The following NOS1 variants were observed in gnomAD, a reference collection of about 807,000 sequenced individuals.
NOS1 encodes NOS type I.
A neutral mutation model predicts 164.5 loss-of-function variants in NOS1; 51 were observed. The observed-to-expected ratio is 0.31, with a 90% confidence interval of 0.25 to 0.39. The LOEUF (loss-of-function observed/expected upper bound fraction) is 0.39, where lower values mean the gene tolerates loss of function less well. Ranked by LOEUF, NOS1 falls within the 10% of genes least tolerant of loss-of-function variation. The pLI is 1.00. For synonymous variants in NOS1, 719 were observed against 745.8 expected, an observed-to-expected ratio of 0.96 and a Z score of 0.59; for missense variants, 1,362 against 1,885.6, an observed-to-expected ratio of 0.72 and a Z score of 5.14.
intron 1 of NOS1, among the ~76,000 whole-genome samples, chr12:117,338,534 G>A (rs887461693): frequency 2.0e-5 from 3 of 151,336 alleles, no homozygotes; most frequent in Non-Finnish European, 4.4e-5. Context: ...TAATGGGTGC[G>A]GCACACCAGC....
rs756156947 is a variant in NOS1, at chr12:117,280,916, T to C, written c.1383-50A>G. On this transcript the variant is annotated intron_variant, in intron 7 of 28. Coordinates refer to ENST00000317775, the MANE Select transcript of NOS1 (RefSeq NM_000620.5). Reference sequence around the variant, plus strand: ...CGGCATCAGGGCGGGACTTGCGCTGTGGGAACATACTAAACATGGCGCCAC... The same window carrying C: ...CGGCATCAGGGCGGGACTTGCGCTGCGGGAACATACTAAACATGGCGCCAC... The C allele has an allele frequency of 3.1e-6, 5 of 1,595,936 alleles. No homozygotes were observed. In the South Asian group the frequency reaches 4.5e-5, roughly 14 times the overall value.
chr12:117,311,814 G>A (rs1281192575), intron 2 of NOS1, among the ~76,000 whole-genome samples: 2 of 152,186 alleles, frequency 1.3e-5, no homozygotes, highest in East Asian at 3.9e-4. Context: ...GCTCATCCAA[G>A]GTGACCTTGA....
At chr12:117,289,212 GT>G (rs1872892901) in intron 4 of NOS1, among the ~76,000 whole-genome samples, 1 of 152,196 alleles carries the variant, frequency 6.6e-6, no homozygotes, top group Non-Finnish European at 1.5e-5. Flanking sequence ...GGAAGGGTTT[GT>G]TTAATACTCC....
At chr12:117,264,044 C>T in intron 12 of NOS1, 70 bp from the exon 13 acceptor site, 3 of 1,261,494 alleles carry the variant, frequency 2.4e-6, no homozygotes, top group South Asian at 1.2e-5. Flanking sequence ...TGGGGATGCT[C>T]AGGACCACCT....
intron 13 of NOS1, among the ~76,000 whole-genome samples, chr12:117,261,113 G>A (rs1328182203): frequency 1.4e-5 from 2 of 144,230 alleles, no homozygotes; most frequent in African/African-American, 2.6e-5. Flanking sequence ...AGGTTGCAGT[G>A]AGCCGAGATC....
chr12:117,285,126 C>T (rs1163395944), intron 7 of NOS1, 115 bp downstream of exon 7: 4 of 446,216 alleles, frequency 9.0e-6, no homozygotes, highest in Admixed American at 3.5e-5. Flanking sequence ...CAGCTTGGCC[C>T]GTGTCCCTGA....
rs1870372645 is a variant in NOS1, at chr12:117,243,591, AGTAACCCT to A, written c.2824-164_2824-157del. Among the ~76,000 whole-genome samples, 1 of 144,424 alleles carries A rather than the reference AGTAACCCT, an allele frequency of 6.9e-6. No homozygotes were observed. Among genetic ancestry groups the A allele is most frequent in the African/African-American group, 2.6e-5 (1 of 39,124 alleles). 94.7% of individuals were successfully genotyped at this position (144,424 alleles called of 152,430 possible). A position where few individuals can be genotyped will look rare whatever the true frequency, so the allele number is the denominator to read the frequency against. On this transcript the variant is annotated intron_variant, in intron 18 of 28. Transcript: ENST00000317775. The surrounding 1 kb of genome is among the most constrained non-coding windows in gnomAD (Gnocchi z 4.3). The stretch of plus-strand genomic sequence containing the variant: ...CATCCATCCATCCATCCATCCATCC[AGTAACCCT>A]TCCCTCCTTCCCTTCTTCCTTCCCT...
In NOS1 at chr12:117,268,125, T is replaced by G; in HGVS notation, c.1859A>C (p.Asn620Thr). 6.2e-7 allele frequency: 1 copy of G among 1,613,802 alleles called. No homozygotes were observed. The highest frequency in any genetic ancestry group is 8.5e-7 in the Non-Finnish European group (1 of 1,179,672). ...GGAGGACGTCTTCCTCATGTCTAAG[T>G]TCATCTTCTTGGCCACTTCCTGAAA... is the stretch of plus-strand genomic sequence containing the variant. ...NILEEVAKKM[N>T]LDMRKTSSLW... The change falls in exon 11 of 29, where the codon AAC becomes ACC. Residue 620 changes from asparagine (N) to threonine (T), a missense_variant. Coordinates refer to ENST00000317775, the MANE Select transcript of NOS1 (RefSeq NM_000620.5).
At chr12:117,236,839 A>G (rs991213563) in intron 20 of NOS1, among the ~76,000 whole-genome samples, 1 of 152,214 alleles carries the variant, frequency 6.6e-6, no homozygotes, top group Non-Finnish European at 1.5e-5. Context: ...ACCTCCCCCA[A>G]AGTCCTCTTG....
At chr12:117,346,250 C>T (rs1173645336) in intron 1 of NOS1, among the ~76,000 whole-genome samples, 1 of 152,196 alleles carries the variant, frequency 6.6e-6, no homozygotes, top group Non-Finnish European at 1.5e-5. Context: ...GCGAGCGGAT[C>T]ACCTGAGACC....
chr12:117,265,210 C>T, intron 12 of NOS1, 106 bp downstream of exon 12: 1 of 990,342 alleles, frequency 1.0e-6, no homozygotes, highest in East Asian at 2.9e-5. Flanking sequence ...CCACATGTGG[C>T]TATTGAGTGT....
chr12:117,299,005 AG>A (rs149059138), intron 3 of NOS1, among the ~76,000 whole-genome samples: 207 of 152,336 alleles, frequency 1.4e-3, no homozygotes, highest in Middle Eastern at 3.4e-3. Flanking sequence ...TCCTGAAATG[AG>A]GGCAGCACAC....
chr12:117,306,806 G>C (rs1421330592), intron 3 of NOS1, among the ~76,000 whole-genome samples: 1 of 152,138 alleles, frequency 6.6e-6, no homozygotes, highest in Non-Finnish European at 1.5e-5. Flanking sequence ...TTTTAGTAGA[G>C]ATGGAGTTTC....
In NOS1 at chr12:117,260,456, C is replaced by T. The variant is rs1313973368; in HGVS notation, c.2367+9G>A. ...GAAGCTGGTGGAGCTAGGGCTACCC[C>T]CCACCTACCTTGGCATCAAAGGCGT... On this transcript the variant is annotated intron_variant, in intron 14 of 28. Coordinates refer to ENST00000317775, the MANE Select transcript of NOS1 (RefSeq NM_000620.5). The T allele has an allele frequency of 6.2e-7, 1 of 1,612,972 alleles. No homozygotes were observed. Among genetic ancestry groups the T allele is most frequent in the Non-Finnish European group, 8.5e-7 (1 of 1,179,040 alleles).
chr12:117,215,805 A>T (rs970181417), intron 28 of NOS1, among the ~76,000 whole-genome samples: 2 of 151,928 alleles, frequency 1.3e-5, no homozygotes, highest in South Asian at 2.1e-4. Flanking sequence ...TTGTTTTGAA[A>T]GAATGAATGA....
At chr12:117,360,758 G>A (rs1438221108) in intron 1 of NOS1, among the ~76,000 whole-genome samples, 7 of 152,228 alleles carry the variant, frequency 4.6e-5, no homozygotes, top group African/African-American at 1.4e-4. Context: ...GTCGGGCACC[G>A]AGGAAGGCGT....
chr12:117,273,822 T>G (rs1357907011), intron 9 of NOS1, among the ~76,000 whole-genome samples: 1 of 152,180 alleles, frequency 6.6e-6, no homozygotes, highest in Non-Finnish European at 1.5e-5. Flanking sequence ...ATATTGTTCA[T>G]CATGTGCTGT....
At chr12:117,285,150 T>A in intron 7 of NOS1, 91 bp downstream of exon 7, 1 of 671,728 alleles carries the variant, frequency 1.5e-6, no homozygotes, top group Middle Eastern at 3.1e-4. Flanking sequence ...GAGGTGCATT[T>A]CCCTGGCAGG....
chr12:117,320,056 A>T (rs1874845256), intron 2 of NOS1, among the ~76,000 whole-genome samples: 1 of 152,208 alleles, frequency 6.6e-6, no homozygotes. Flanking sequence ...GTCCAGTGAG[A>T]CCTCATAGGG....
Sources: gnomAD v4.1 joint callset for allele counts (sites outside exome capture counted in the v4.1 genomes callset) on GRCh38, gnomAD v4.1.1 for gene constraint, Gnocchi (gnomAD v3.1) non-coding constraint, MANE v1.5 for transcripts, NCBI Gene and HGNC (gene_info 2026-07-23, HGNC 2026-07-21) for gene names.